TRIM33: variants seen among roughly 807,000 people sequenced by gnomAD.
The protein encoded by TRIM33 is E3 ubiquitin-protein ligase TRIM33.
TRIM33 carries 20 observed loss-of-function variants against 125.4 expected under a neutral mutation model. The ratio of observed to expected loss-of-function variants is 0.16; its 90% confidence interval spans 0.11 to 0.23. The LOEUF is 0.23. Among genes scored for constraint, TRIM33 ranks in the 10% least tolerant of loss-of-function variants. TRIM33 has a pLI of 1.00. For synonymous variants in TRIM33, 564 were observed against 513.9 expected (o/e 1.10, Z -1.32); for missense variants, 920 against 1,411.4 (o/e 0.65, Z 5.58).
chr1:114,496,925 A>C (rs1032467332), intron 1 of TRIM33, among the ~76,000 whole-genome samples: 1 of 152,238 alleles, frequency 6.6e-6, no homozygotes, highest in African/African-American at 2.4e-5. Flanking sequence ...TTGTCAACAA[A>C]ACACTGTACT....
In TRIM33 at chr1:114,408,580, T is replaced by A. The variant is rs577473096; in HGVS notation, c.2258+97A>T. 3.5e-4 allele frequency: 259 copies of A among 736,294 alleles called. No homozygotes were observed. In the African/African-American group the frequency reaches 4.5e-3, roughly 13 times the overall value. 45.6% of individuals were successfully genotyped at this position (736,294 alleles called of 1,614,324 possible). On this transcript the variant is annotated intron_variant, in intron 13 of 19. Transcript: ENST00000358465. ...TTTGATCACTGTTAAAGCTGAGTGT[T>A]AAGTATAAAGGGGTTCACTGTAATA...
Position 114,396,110 on chromosome 1 carries a change from A to AT in TRIM33, c.*1537dup, listed in dbSNP as rs1651532484. 5.0e-6 allele frequency: 1 copy of AT among 200,820 alleles called. No homozygotes were observed. Among genetic ancestry groups the AT allele is most frequent in the Admixed American group, 6.0e-5 (1 of 16,658 alleles). 12.4% of individuals were successfully genotyped at this position (200,820 alleles called of 1,614,324 possible). ...AAAATATCTAACAGCAAATTCTTCT[A>AT]TTTTGGTCTCTGAATATTCTAATGT... On this transcript the variant is annotated 3_prime_UTR_variant, in exon 20 of 20. Coordinates refer to ENST00000358465, the MANE Select transcript of TRIM33 (RefSeq NM_015906.4).
At chr1:114,398,725 T>C (rs1651687481) in intron 18 of TRIM33, among the ~76,000 whole-genome samples, 1 of 151,838 alleles carries the variant, frequency 6.6e-6, no homozygotes, top group African/African-American at 2.4e-5. Flanking sequence ...GAGACTTTAG[T>C]ATTAATCTTT....
In TRIM33 at chr1:114,397,587, G is replaced by T. The variant is rs12062175; in HGVS notation, c.*61C>A. 0.087 allele frequency: 82,186 copies of T among 948,486 alleles called. 8,034 individuals carry two copies. The highest frequency in any genetic ancestry group is 0.35 in the African/African-American group (12,742 of 36,258). The allele number at this position is 948,486 out of a possible 1,614,324, so 58.8% of individuals were successfully genotyped here. On this transcript the variant is annotated 3_prime_UTR_variant, in exon 20 of 20. Coordinates refer to ENST00000358465, the MANE Select transcript of TRIM33 (RefSeq NM_015906.4). ...CACTTAAAAGTTTTCTGGGTTTTTT[G>T]TGTTTTTTTTTTTTTTTTCGTTTTT...
At chr1:114,445,636 T>A (rs930560340) in intron 4 of TRIM33, among the ~76,000 whole-genome samples, 2 of 151,586 alleles carry the variant, frequency 1.3e-5, no homozygotes, top group Admixed American at 1.3e-4. Flanking sequence ...GACAAACATA[T>A]CTAAAAACTC....
intron 1 of TRIM33, among the ~76,000 whole-genome samples, chr1:114,499,665 C>T (rs1000996604): frequency 2.0e-5 from 3 of 152,112 alleles, no homozygotes; most frequent in Non-Finnish European, 2.9e-5. Context: ...ATGCAAAATA[C>T]CCTCTGGAGG....
chr1:114,433,067 T>A (rs1264143223), intron 5 of TRIM33, among the ~76,000 whole-genome samples: 3 of 152,210 alleles, frequency 2.0e-5, no homozygotes, highest in Non-Finnish European at 4.4e-5. Context: ...TACTCTCACT[T>A]ATCAATAAAT....
intron 11 of TRIM33, among the ~76,000 whole-genome samples, chr1:114,419,236 A>G (rs1653127498): frequency 6.6e-6 from 1 of 151,444 alleles, no homozygotes; most frequent in South Asian, 2.1e-4. Flanking sequence ...GAAAGAATGA[A>G]AAAGAAAAAG....
intron 1 of TRIM33, among the ~76,000 whole-genome samples, chr1:114,474,704 C>A (rs567246555): frequency 6.6e-6 from 1 of 151,272 alleles, no homozygotes; most frequent in Non-Finnish European, 1.5e-5. Context: ...CAAGCCTGAC[C>A]AACATGGAGA....
At chr1:114,481,820 C>T (rs897953917) in intron 1 of TRIM33, among the ~76,000 whole-genome samples, 8 of 151,846 alleles carry the variant, frequency 5.3e-5, no homozygotes, top group East Asian at 1.9e-4. Context: ...AGGGCAGTGG[C>T]GTGATCGCAC....
chr1:114,414,069 ACG>A (rs1491149527), intron 11 of TRIM33, among the ~76,000 whole-genome samples: 1 of 146,896 alleles, frequency 6.8e-6, no homozygotes, highest in Non-Finnish European at 1.5e-5. Context: ...ACACACACAC[ACG>A]TTTTTAAATT....
chr1:114,424,147 T>TA (rs201249622), intron 10 of TRIM33, among the ~76,000 whole-genome samples: 6,624 of 151,004 alleles, frequency 0.044, 157 homozygotes, highest in South Asian at 0.067. Flanking sequence ...AGAGAAAAGG[T>TA]AAAAAAAAAT....
chr1:114,456,117 C>T (rs762609734), intron 4 of TRIM33, among the ~76,000 whole-genome samples: 2 of 152,120 alleles, frequency 1.3e-5, no homozygotes, highest in African/African-American at 2.4e-5. Flanking sequence ...GAGGTGGTTA[C>T]GTCTTCATTA....
intron 1 of TRIM33, among the ~76,000 whole-genome samples, chr1:114,506,695 T>C (rs1004554456): frequency 1.2e-4 from 18 of 152,210 alleles, no homozygotes; most frequent in Admixed American, 5.9e-4. Context: ...ATAGCTGTTC[T>C]GCCTCAACCT....
At chr1:114,509,736 A>G (rs1053964003) in intron 1 of TRIM33, among the ~76,000 whole-genome samples, 1 of 152,144 alleles carries the variant, frequency 6.6e-6, no homozygotes, top group Non-Finnish European at 1.5e-5. Flanking sequence ...ATTGTGCCAC[A>G]ACCATTGTAC....
intron 8 of TRIM33, 108 bp from the exon 9 acceptor site, chr1:114,425,831 A>G (rs1385259765): frequency 1.1e-5 from 8 of 728,248 alleles, no homozygotes; most frequent in Non-Finnish European, 1.8e-5. Context: ...AGCACCTCAA[A>G]GCTCCAACAG....
intron 1 of TRIM33, among the ~76,000 whole-genome samples, chr1:114,491,727 C>T (rs1008774639): frequency 2.0e-5 from 3 of 152,100 alleles, no homozygotes; most frequent in African/African-American, 7.2e-5. Flanking sequence ...TCACTTGAGA[C>T]CAGGAGGCAA....
At chr1:114,426,202 A>G (rs1647562206) in intron 8 of TRIM33, among the ~76,000 whole-genome samples, 1 of 152,194 alleles carries the variant, frequency 6.6e-6, no homozygotes, top group African/African-American at 2.4e-5. Flanking sequence ...CTTAGACGTG[A>G]TGGTTTTCCT....
chr1:114,454,273 TGG>T (rs1320172091), intron 4 of TRIM33, among the ~76,000 whole-genome samples: 1 of 152,068 alleles, frequency 6.6e-6, no homozygotes, highest in East Asian at 1.9e-4. Context: ...AGTCATGGTA[TGG>T]TTGTATAACT....
Sources: gnomAD v4.1 joint callset for allele counts (sites outside exome capture counted in the v4.1 genomes callset) on GRCh38, gnomAD v4.1.1 for gene constraint, MANE v1.5 for transcripts, NCBI Gene and HGNC (gene_info 2026-07-23, HGNC 2026-07-21) for gene names.